Variants in CTNNA3 observed in about 807,000 individuals in gnomAD.
CTNNA3 encodes catenin alpha 3.
Under a neutral mutation model 95.7 loss-of-function variants are expected in CTNNA3, and 76 were observed. That is an observed-to-expected ratio of 0.79 (90% CI 0.66 to 0.96). CTNNA3 has a LOEUF of 0.96. Among genes scored for constraint, CTNNA3 ranks in the 40% least tolerant of loss-of-function variants. The pLI is 0.00. For synonymous variants in CTNNA3, 431 were observed against 374.4 expected (o/e 1.15, Z -1.74); for missense variants, 1,191 against 1,089.8 (o/e 1.09, Z -1.31).
At chr10:67,483,559 T>C (rs907994556) in intron 5 of CTNNA3, among the ~76,000 whole-genome samples, 5 of 150,982 alleles carry the variant, frequency 3.3e-5, no homozygotes, top group African/African-American at 4.9e-5. Context: ...TAGGTGGGAA[T>C]TGAACCCATG....
chr10:66,039,530 T>A (rs2079638194), intron 15 of CTNNA3, among the ~76,000 whole-genome samples: 1 of 152,026 alleles, frequency 6.6e-6, no homozygotes, highest in African/African-American at 2.4e-5. Context: ...AAACAGATAT[T>A]TAGACCAACT....
chr10:66,775,314 T>C (rs1564674862), intron 8 of CTNNA3, 130 bp downstream of exon 8: 1 of 566,990 alleles, frequency 1.8e-6, no homozygotes, highest in Non-Finnish European at 3.0e-6. Flanking sequence ...GTGGAAAGTA[T>C]ATATTTACTC....
intron 12 of CTNNA3, among the ~76,000 whole-genome samples, chr10:66,285,438 A>G (rs2091568210): frequency 6.6e-6 from 1 of 151,842 alleles, no homozygotes; most frequent in Admixed American, 6.6e-5. Flanking sequence ...GGTTAATATT[A>G]ATAAATAATA....
At chr10:67,413,728 G>A (rs1845455068) in intron 5 of CTNNA3, among the ~76,000 whole-genome samples, 1 of 152,012 alleles carries the variant, frequency 6.6e-6, no homozygotes, top group African/African-American at 2.4e-5. Flanking sequence ...ACTATACCAA[G>A]TATACTCTCA....
intron 7 of CTNNA3, among the ~76,000 whole-genome samples, chr10:67,133,241 G>T (rs1484689345): frequency 1.4e-5 from 2 of 146,246 alleles, no homozygotes; most frequent in Non-Finnish European, 3.0e-5. Context: ...AGCAAGGAAA[G>T]GATATATATA....
Position 67,280,147 on chromosome 10 carries a change from C to T in CTNNA3, c.580-60277G>A, listed in dbSNP as rs748923996. On this transcript the variant is annotated intron_variant, in intron 5 of 17. Transcript: ENST00000433211. ...CCCAGAACCAAGGACTTTTTGATCTCCTGTTTCTCACTCCAAGCACAGAGT... is the reference window on the plus strand; with the variant it reads ...CCCAGAACCAAGGACTTTTTGATCTTCTGTTTCTCACTCCAAGCACAGAGT... Among the ~76,000 whole-genome samples, 49 of 150,356 alleles carry T rather than the reference C, an allele frequency of 3.3e-4. 4 individuals carry two copies. The highest frequency in any genetic ancestry group is 6.6e-4 in the Admixed American group (10 of 15,108).
At chr10:67,639,333 A>T (rs2133457649) in intron 2 of CTNNA3, among the ~76,000 whole-genome samples, 1 of 152,320 alleles carries the variant, frequency 6.6e-6, no homozygotes, top group South Asian at 2.1e-4. Context: ...GAATAGACCA[A>T]TAAAAGGCCC....
chr10:66,724,769 T>A (rs1848729833), intron 9 of CTNNA3, among the ~76,000 whole-genome samples: 1 of 152,204 alleles, frequency 6.6e-6, no homozygotes, highest in African/African-American at 2.4e-5. Flanking sequence ...TGCATCATCA[T>A]TGTTTCAATA....
At chr10:67,244,432 G>C (rs973704427) in intron 5 of CTNNA3, among the ~76,000 whole-genome samples, 4 of 152,178 alleles carry the variant, frequency 2.6e-5, no homozygotes, top group African/African-American at 9.7e-5. Flanking sequence ...CCAATAACTA[G>C]ATTCATCTGA....
chr10:66,771,729 A>G (rs964438717), intron 8 of CTNNA3, among the ~76,000 whole-genome samples: 1 of 152,212 alleles, frequency 6.6e-6, no homozygotes, highest in African/African-American at 2.4e-5. Context: ...ATAAAAATTA[A>G]TAATGTAATG....
At chr10:65,931,750 C>T (rs2077257343) in intron 17 of CTNNA3, among the ~76,000 whole-genome samples, 1 of 152,212 alleles carries the variant, frequency 6.6e-6, no homozygotes, top group South Asian at 2.1e-4. Flanking sequence ...TTATAAAACA[C>T]AAACAATCTT....
intron 12 of CTNNA3, among the ~76,000 whole-genome samples, chr10:66,331,754 C>G (rs1204164588): frequency 6.6e-6 from 1 of 151,822 alleles, no homozygotes; most frequent in South Asian, 2.1e-4. Context: ...TGGCTTTGTT[C>G]TTTTGGCTTA....
At chr10:66,981,967 C>A (rs1042329191) in intron 7 of CTNNA3, among the ~76,000 whole-genome samples, 1 of 152,114 alleles carries the variant, frequency 6.6e-6, no homozygotes, top group Non-Finnish European at 1.5e-5. Context: ...AGCTGTCTGT[C>A]GATTTTTCTA....
At chr10:66,187,888 G>C (rs1479447122) in intron 13 of CTNNA3, among the ~76,000 whole-genome samples, 2 of 151,926 alleles carry the variant, frequency 1.3e-5, no homozygotes, top group Non-Finnish European at 2.9e-5. Flanking sequence ...CATTCACAGG[G>C]AGAAAAAAAG....
At chr10:66,628,996 A>G (rs1280006043) in intron 9 of CTNNA3, among the ~76,000 whole-genome samples, 1 of 152,134 alleles carries the variant, frequency 6.6e-6, no homozygotes, top group Non-Finnish European at 1.5e-5. Context: ...ATTAATATTT[A>G]TTAGGCAGAA....
chr10:66,097,950 T>C (rs1258351779), intron 14 of CTNNA3: 1 of 152,054 alleles, frequency 6.6e-6, no homozygotes, highest in African/African-American at 2.4e-5. Context: ...TAACTTTGGA[T>C]CCTCACCCTG....
intron 10 of CTNNA3, among the ~76,000 whole-genome samples, chr10:66,577,875 G>C (rs548347322): frequency 9.2e-5 from 14 of 152,032 alleles, no homozygotes; most frequent in African/African-American, 3.4e-4. Context: ...TTGGTACTTT[G>C]ATAGGAATAG....
At chr10:65,989,303 A>T (rs144677501) in intron 15 of CTNNA3, among the ~76,000 whole-genome samples, 128 of 152,128 alleles carry the variant, frequency 8.4e-4, no homozygotes, top group African/African-American at 1.2e-3. Context: ...TATTATTATT[A>T]TTTTTTAATG....
chr10:66,319,571 T>C (rs1012282233), intron 12 of CTNNA3, among the ~76,000 whole-genome samples: 3 of 152,132 alleles, frequency 2.0e-5, no homozygotes, highest in African/African-American at 4.8e-5. Context: ...AACATAATTG[T>C]TTAAGCAGCT....
Sources: allele counts gnomAD v4.1 joint callset (sites outside exome capture counted in the v4.1 genomes callset), GRCh38; gene constraint gnomAD v4.1.1; transcripts MANE v1.5; gene names NCBI Gene and HGNC (gene_info 2026-07-23, HGNC 2026-07-21).